Variants in IL1RAP observed in about 807,000 individuals in gnomAD.
IL1RAP encodes interleukin-1 receptor accessory protein.
Under a neutral mutation model 60.7 loss-of-function variants are expected in IL1RAP, and 35 were observed. The observed-to-expected ratio is 0.58, with a 90% CI of 0.44 to 0.76. The LOEUF (loss-of-function observed/expected upper bound fraction) is 0.76, where lower values mean the gene tolerates loss of function less well. IL1RAP is among the 30% of genes least tolerant of loss of function. The pLI, the probability that IL1RAP is intolerant of heterozygous loss-of-function variation, is 0.00. For missense variants in IL1RAP, 572 were observed against 693.9 expected (o/e 0.82, Z 1.97); for synonymous variants, 268 against 250.9 (o/e 1.07, Z -0.64).
intron 3 of IL1RAP, among the ~76,000 whole-genome samples, chr3:190,585,620 T>C (rs1728385480): frequency 6.6e-6 from 1 of 152,094 alleles, no homozygotes; most frequent in African/African-American, 2.4e-5. Context: ...GAGACCAGCC[T>C]GGGCAACAGG....
chr3:190,641,244 C>T (rs539527674), intron 9 of IL1RAP, among the ~76,000 whole-genome samples: 357 of 152,294 alleles, frequency 2.3e-3, no homozygotes, highest in African/African-American at 7.8e-3. Context: ...GGGTTACAGG[C>T]GTGAGCCACT....
intron 3 of IL1RAP, among the ~76,000 whole-genome samples, chr3:190,590,911 A>G (rs867433183): frequency 5.3e-5 from 8 of 152,182 alleles, no homozygotes; most frequent in Non-Finnish European, 4.4e-5. Flanking sequence ...CAGAATTTGG[A>G]TTGGAGAGGA....
In IL1RAP at chr3:190,523,682, G is replaced by A. The variant is rs143915405; in HGVS notation, c.-89+9463G>A. Among the ~76,000 whole-genome samples, 19 of 152,118 alleles carry A rather than the reference G, an allele frequency of 1.2e-4. No homozygotes were observed. In the East Asian group the frequency reaches 3.1e-3, roughly 25 times the overall value. On this transcript the variant is annotated intron_variant, in intron 1 of 11. Transcript: ENST00000447382. ...TGGTCCCCAGCTCTATCCATGTTTC[G>A]GTAAAGGACATAATCTCATTCCTTT...
intron 1 of IL1RAP, among the ~76,000 whole-genome samples, chr3:190,531,543 G>A (rs1310512006): frequency 6.6e-6 from 1 of 152,124 alleles, no homozygotes; most frequent in Non-Finnish European, 1.5e-5. Context: ...AGTCTTCCCT[G>A]TCAGCACTTC....
At chr3:190,637,302 C>T (rs1322788764) in intron 9 of IL1RAP, among the ~76,000 whole-genome samples, 1 of 152,092 alleles carries the variant, frequency 6.6e-6, no homozygotes, top group African/African-American at 2.4e-5. Context: ...GTGACAAATT[C>T]TCTCAGCTTT....
intron 2 of IL1RAP, among the ~76,000 whole-genome samples, chr3:190,558,392 A>G (rs947219160): frequency 6.6e-6 from 1 of 152,164 alleles, no homozygotes; most frequent in Non-Finnish European, 1.5e-5. Flanking sequence ...TGGACATTTC[A>G]TATTCCACCA....
intron 8 of IL1RAP, among the ~76,000 whole-genome samples, chr3:190,628,177 C>T (rs1180233048): frequency 2.0e-5 from 3 of 152,082 alleles, no homozygotes; most frequent in African/African-American, 7.2e-5. Context: ...ACAGAAGGTT[C>T]CACTGCAAAT....
intron 1 of IL1RAP, among the ~76,000 whole-genome samples, chr3:190,547,054 G>A (rs150048513): frequency 6.6e-4 from 100 of 152,302 alleles, no homozygotes; most frequent in African/African-American, 2.4e-3. Flanking sequence ...GCACCTCTCT[G>A]TGAGGGAGGC....
exon 12 of IL1RAP, chr3:190,656,758 A>G (rs1734633142): frequency 1.7e-6 from 1 of 576,734 alleles, no homozygotes; most frequent in African/African-American, 1.9e-5. Context: ...TCTAGGAGAC[A>G]AAAGACCTGA....
At position 190,651,215 on chromosome 3, in the gene IL1RAP, C is replaced by T. The variant is rs1293603504; in HGVS notation, c.*2510C>T. The T allele has an allele frequency of 1.0e-6, 1 of 980,990 alleles. No homozygotes were observed. Among genetic ancestry groups the T allele is most frequent in the African/African-American group, 1.8e-5 (1 of 57,114 alleles). The allele number at this position is 980,990 out of a possible 1,614,324, so 60.8% of individuals were successfully genotyped here. On this transcript the variant is annotated 3_prime_UTR_variant, in exon 12 of 12. Coordinates refer to ENST00000447382, the MANE Select transcript of IL1RAP (RefSeq NM_002182.4). The stretch of plus-strand genomic sequence containing the variant: ...TTAAATATATGCTATAGGGACGTTC[C>T]ATGCCCAGGTTAACAAAGAACTGTG...
rs1733972061 is a variant in IL1RAP, at chr3:190,645,772, C to T, written c.1275C>T (p.Leu425=). 6.2e-7 allele frequency: 1 copy of T among 1,613,282 alleles called. No homozygotes were observed. Among genetic ancestry groups the T allele is most frequent in the African/African-American group, 1.3e-5 (1 of 74,886 alleles). Residue 425 remains leucine (L), a synonymous_variant, in exon 11 of 12, where the codon CTC becomes CTT. Coordinates refer to ENST00000447382, the MANE Select transcript of IL1RAP (RefSeq NM_002182.4). The stretch of plus-strand genomic sequence containing the variant: ...AAGAAGAATTTGTATTACTGACCCT[C>T]CGTGGAGTTTTGGAGAATGAATTTG... The part of the protein sequence containing the change: ...AEEEEFVLLT[L]RGVLENEFGY...
intron 7 of IL1RAP, 57 bp from the exon 8 acceptor site, chr3:190,627,264 GTT>G: frequency 2.2e-6 from 3 of 1,356,582 alleles, no homozygotes; most frequent in Non-Finnish European, 3.0e-6. Flanking sequence ...TTTTTGTTTT[GTT>G]TTGTTTTGTT....
intron 3 of IL1RAP, among the ~76,000 whole-genome samples, chr3:190,589,791 G>A (rs1335741313): frequency 6.6e-6 from 1 of 152,194 alleles, no homozygotes; most frequent in East Asian, 1.9e-4. Flanking sequence ...ACATGGTGTT[G>A]AAAGGTACAG....
intron 1 of IL1RAP, among the ~76,000 whole-genome samples, chr3:190,543,150 G>A (rs1245702192): frequency 6.6e-6 from 1 of 152,234 alleles, no homozygotes; most frequent in East Asian, 1.9e-4. Context: ...AAAGGCAGAT[G>A]ACAATCCAAA....
In IL1RAP at chr3:190,644,498, G is replaced by T; in HGVS notation, c.1201+101G>T. 4 of 887,292 alleles carry T rather than the reference G, an allele frequency of 4.5e-6. No individual in the cohort carries two copies. In the South Asian group the frequency reaches 6.1e-5, roughly 14 times the overall value. The allele number at this position is 887,292 out of a possible 1,614,324, so 55.0% of individuals were successfully genotyped here. A position where few individuals can be genotyped will look rare whatever the true frequency, so the allele number is the denominator to read the frequency against. On this transcript the variant is annotated intron_variant, in intron 10 of 11. Coordinates refer to ENST00000447382, the MANE Select transcript of IL1RAP (RefSeq NM_002182.4). ...AAAACATGTTGATTTGAAAAACCTA[G>T]ATTAACTGGAAGATTTAAGCAGATT...
intron 1 of IL1RAP, among the ~76,000 whole-genome samples, chr3:190,534,838 T>A (rs1723294482): frequency 6.7e-6 from 1 of 148,218 alleles, no homozygotes; most frequent in African/African-American, 2.6e-5. Flanking sequence ...GTGTTCCAAA[T>A]AACATTAGTG....
In IL1RAP at chr3:190,608,914, T is replaced by C. The variant is rs1048956416; in HGVS notation, c.351-81T>C. 3 of 1,077,434 alleles carry C rather than the reference T, an allele frequency of 2.8e-6. No individual in the cohort carries two copies. In the East Asian group the frequency reaches 7.4e-5, roughly 26 times the overall value. 66.7% of individuals were successfully genotyped at this position (1,077,434 alleles called of 1,614,324 possible). On this transcript the variant is annotated intron_variant, in intron 4 of 11. Transcript: ENST00000447382. ...ATGATGTCTCCGTATGTAGCCTGGCTTCACTTAGTTCATTTGAATGTGGTT... is the reference window on the plus strand; with the variant it reads ...ATGATGTCTCCGTATGTAGCCTGGCCTCACTTAGTTCATTTGAATGTGGTT...
intron 1 of IL1RAP, among the ~76,000 whole-genome samples, chr3:190,552,135 G>C (rs1003813897): frequency 6.6e-6 from 1 of 152,160 alleles, no homozygotes; most frequent in Non-Finnish European, 1.5e-5. Context: ...TGGGAAGCCT[G>C]ATAAGTATGT....
intron 9 of IL1RAP, among the ~76,000 whole-genome samples, chr3:190,637,386 T>C (rs2108839307): frequency 6.6e-6 from 1 of 152,252 alleles, no homozygotes; most frequent in South Asian, 2.1e-4. Context: ...TTTTCAAATA[T>C]ATGGAAGATT....
Sources: gnomAD v4.1 joint callset for allele counts (sites outside exome capture counted in the v4.1 genomes callset) on GRCh38, gnomAD v4.1.1 for gene constraint, MANE v1.5 for transcripts, NCBI Gene and HGNC (gene_info 2026-07-23, HGNC 2026-07-21) for gene names.